The following APOL6 variants were observed in gnomAD, a reference collection of about 807,000 sequenced individuals.
APOL6 encodes the protein apolipoprotein L6, also known as apolipoprotein L, 6.
Under a neutral mutation model 2.4 loss-of-function variants are expected in APOL6, and 1 was observed. That is an observed-to-expected ratio of 0.41 (90% CI 0.15 to 1.94). The LOEUF is 1.94. Among genes scored for constraint, APOL6 ranks in the 30% most tolerant of loss-of-function variants. The pLI, the probability that APOL6 is intolerant of heterozygous loss-of-function variation, is 0.30. For synonymous variants in APOL6, 189 were observed against 169.3 expected (o/e 1.12, Z -0.90); for missense variants, 438 against 429.2 (o/e 1.02, Z -0.18).
rs779440854 is a variant in APOL6 at position 35,666,376 on chromosome 22, G to A, written c.*6780G>A. 1.4e-4 allele frequency: 21 copies of A among 152,256 alleles called. No individual in the cohort carries two copies. The highest frequency in any genetic ancestry group is 3.6e-4 in the African/African-American group (15 of 41,522). 9.4% of individuals were successfully genotyped at this position (152,256 alleles called of 1,614,324 possible). A position where few individuals can be genotyped will look rare whatever the true frequency, so the allele number is the denominator to read the frequency against. On this transcript the variant is annotated 3_prime_UTR_variant, in exon 3 of 3. Transcript: ENST00000409652. Reference sequence around the variant, plus strand: ...CAACTGCCACCTCCCAGGTTCAAGCGGTTCTCCTGCCTCAGCCTCCCGAGT... The same window carrying A: ...CAACTGCCACCTCCCAGGTTCAAGCAGTTCTCCTGCCTCAGCCTCCCGAGT...
chr22:35,662,295 G>C lies in APOL6; in HGVS notation c.*2699G>C, dbSNP rs1202227977. 6.6e-6 allele frequency: 1 copy of C among 152,008 alleles called. No individual in the cohort carries two copies. Among genetic ancestry groups the C allele is most frequent in the Non-Finnish European group, 1.5e-5 (1 of 68,008 alleles). 9.4% of individuals were successfully genotyped at this position (152,008 alleles called of 1,614,324 possible). A position where few individuals can be genotyped will look rare whatever the true frequency, so the allele number is the denominator to read the frequency against. On this transcript the variant is annotated 3_prime_UTR_variant, in exon 3 of 3. Transcript: ENST00000409652. ...ACCCTATTTTAGGGTATCTTTTTCT[G>C]AGCCCTAAACACTGTGTTGGGGATG...
chr22:35,651,732 C>CT (rs1171326730), intron 1 of APOL6, among the ~76,000 whole-genome samples: 1 of 152,120 alleles, frequency 6.6e-6, no homozygotes, highest in Non-Finnish European at 1.5e-5. Context: ...CGAACTCATC[C>CT]TTTTTTATGG....
At position 35,658,932 on chromosome 22, in the gene APOL6, C is replaced by A; in HGVS notation, c.368C>A (p.Thr123Asn). Residue 123 changes from threonine (T) to asparagine (N), a missense_variant, in exon 3 of 3, where the codon ACC becomes AAC. Physicochemically the swap from Thr to Asn is moderately conservative, Grantham distance 65. Coordinates refer to ENST00000409652, the MANE Select transcript of APOL6 (RefSeq NM_030641.4). ...GGTTTGGCAACAGCAGCTGGGGTCA[C>A]CAGCATCGTGAGTGGTACGTTGGAA... ...GQGLATAAGVTSIVSGTLERS... is the reference protein window; with the variant it reads ...GQGLATAAGVNSIVSGTLERS... The A allele has an allele frequency of 6.2e-7, 1 of 1,613,926 alleles. No individual in the cohort carries two copies. The highest frequency in any genetic ancestry group is 1.1e-5 in the South Asian group (1 of 91,080).
rs1329707396 is a variant in APOL6 at position 35,656,288 on chromosome 22, G to C, written c.-47-91G>C. ...TAGTATGCTATGTGGTTGTTATTTTGATAGTACATAATCCAAAATCCCTCC... is the reference window on the plus strand; with the variant it reads ...TAGTATGCTATGTGGTTGTTATTTTCATAGTACATAATCCAAAATCCCTCC... On this transcript the variant is annotated intron_variant, in intron 1 of 2. Transcript: ENST00000409652. 15 of 947,442 alleles carry C rather than the reference G, an allele frequency of 1.6e-5. 1 individual carries two copies. The South Asian group carries it at 2.0e-4, about 12-fold the overall frequency. 58.7% of individuals were successfully genotyped at this position (947,442 alleles called of 1,614,324 possible). A position where few individuals can be genotyped will look rare whatever the true frequency, so the allele number is the denominator to read the frequency against.
intron 1 of APOL6, among the ~76,000 whole-genome samples, chr22:35,649,760 T>C (rs536856815): frequency 6.6e-6 from 1 of 152,084 alleles, no homozygotes; most frequent in East Asian, 1.9e-4. Flanking sequence ...GAGAGAGGTA[T>C]TGGCGGACGC....
At position 35,659,145 on chromosome 22, in the gene APOL6, A is replaced by G; in HGVS notation, c.581A>G (p.Asn194Ser). ...NVRAFWKLRA[N>S]PRLANATKRL... ...CGTGCATTTTGGAAACTCAGAGCCAACCCACGCTTGGCCAATGCTACCAAG... is the reference window on the plus strand; with the variant it reads ...CGTGCATTTTGGAAACTCAGAGCCAGCCCACGCTTGGCCAATGCTACCAAG... Residue 194 changes from asparagine (N) to serine (S), a missense_variant, in exon 3 of 3, where the codon AAC becomes AGC. Asn to Ser is a conservative substitution (Grantham distance 46). Coordinates refer to ENST00000409652, the MANE Select transcript of APOL6 (RefSeq NM_030641.4). 1 of 1,614,158 alleles carries G rather than the reference A, an allele frequency of 6.2e-7. No individual in the cohort carries two copies. Among genetic ancestry groups the G allele is most frequent in the South Asian group, 1.1e-5 (1 of 91,082 alleles).
rs1925023676 is a variant in APOL6, at chr22:35,661,377, AAAAAG to A, written c.*1784_*1788del. On this transcript the variant is annotated 3_prime_UTR_variant, in exon 3 of 3. Coordinates refer to ENST00000409652, the MANE Select transcript of APOL6 (RefSeq NM_030641.4). ...CATCTCAAAAAAAAAAAAAAAAAAA[AAAAAG>A]AAGAAGAATACAGTCATGTATCTCT... 2 of 151,714 alleles carry A rather than the reference AAAAAG, an allele frequency of 1.3e-5. No individual in the cohort carries two copies. The highest frequency in any genetic ancestry group is 2.9e-5 in the Non-Finnish European group (2 of 67,978). 9.4% of individuals were successfully genotyped at this position (151,714 alleles called of 1,614,324 possible). A position where few individuals can be genotyped will look rare whatever the true frequency, so the allele number is the denominator to read the frequency against.
At chr22:35,654,100 C>T (rs1252038866) in intron 1 of APOL6, among the ~76,000 whole-genome samples, 2 of 152,200 alleles carry the variant, frequency 1.3e-5, no homozygotes, top group African/African-American at 4.8e-5. Flanking sequence ...GGGGAAGAGA[C>T]ATGGAGTTCC....
Position 35,659,315 on chromosome 22 carries a change from A to C in APOL6, c.751A>C (p.Thr251Pro). The change falls in exon 3 of 3, where the codon ACT (threonine) becomes CCT (proline). Residue 251 changes from threonine to proline, a missense_variant. By Grantham distance (38) the Thr-to-Pro change is conservative. Coordinates refer to ENST00000409652, the MANE Select transcript of APOL6 (RefSeq NM_030641.4). ...CTTCTCCCTTGGCTATGACTTGGCC[A>C]CTCTCTCAAAGGAATGGAAGCACCT... Reference protein sequence around the residue: ...SAFSLGYDLATLSKEWKHLKE... With the variant: ...SAFSLGYDLAPLSKEWKHLKE... 1 of 1,613,912 alleles carries C rather than the reference A, an allele frequency of 6.2e-7. No homozygotes were observed. Among genetic ancestry groups the C allele is most frequent in the Non-Finnish European group, 8.5e-7 (1 of 1,179,934 alleles).
chr22:35,659,208 G>A lies in APOL6; in HGVS notation c.644G>A (p.Arg215His), dbSNP rs200500746. The A allele has an allele frequency of 2.4e-5, 39 of 1,614,162 alleles. No individual in the cohort carries two copies. In the East Asian group the frequency reaches 3.3e-4, roughly 14 times the overall value. The change falls in exon 3 of 3, where the codon CGC becomes CAC. Residue 215 changes from arginine to histidine, a missense_variant. Transcript: ENST00000409652. Reference protein sequence around the residue: ...LTTGQVSSRSRVQVQKAFAGT... With the variant: ...LTTGQVSSRSHVQVQKAFAGT... The stretch of plus-strand genomic sequence containing the variant: ...ACTGGCCAAGTCTCCTCCCGGAGCC[G>A]CGTGCAGGTGCAAAAGGCCTTTGCG...
At position 35,661,357 on chromosome 22, in the gene APOL6, CAAAAAAAAAA is replaced by C. The variant is rs60161381; in HGVS notation, c.*1776_*1785del. 4 of 42,556 alleles carry C rather than the reference CAAAAAAAAAA, an allele frequency of 9.4e-5. No homozygotes were observed. Among genetic ancestry groups the C allele is most frequent in the Non-Finnish European group, 1.0e-4 (2 of 19,248 alleles). The allele number at this position is 42,556 out of a possible 1,614,324, so 2.6% of individuals were successfully genotyped here. A position where few individuals can be genotyped will look rare whatever the true frequency, so the allele number is the denominator to read the frequency against. On this transcript the variant is annotated 3_prime_UTR_variant, in exon 3 of 3. Coordinates refer to ENST00000409652, the MANE Select transcript of APOL6 (RefSeq NM_030641.4). Reference sequence around the variant, plus strand: ...TGGGTGTCAGAATGAGACCCCATCTCAAAAAAAAAAAAAAAAAAAAAAAAGAAGAAGAATA... The same window carrying C: ...TGGGTGTCAGAATGAGACCCCATCTCAAAAAAAAAAAAAAGAAGAAGAATA...
At chr22:35,654,606 G>A (rs1325278179) in intron 1 of APOL6, among the ~76,000 whole-genome samples, 1 of 150,966 alleles carries the variant, frequency 6.6e-6, no homozygotes, top group Non-Finnish European at 1.5e-5. Flanking sequence ...ACACGTATAT[G>A]TAATTATATA....
rs1021578828 is a variant in APOL6, at chr22:35,659,977, G to T, written c.*381G>T. ...AGACAGGGTTTCACCATTTTGGCCA[G>T]GCTGGTCTCGAATTCCTGACCTCAA... is the stretch of plus-strand genomic sequence containing the variant. On this transcript the variant is annotated 3_prime_UTR_variant, in exon 3 of 3. Coordinates refer to ENST00000409652, the MANE Select transcript of APOL6 (RefSeq NM_030641.4). 2.2e-5 allele frequency: 4 copies of T among 183,574 alleles called. No individual in the cohort carries two copies. Among genetic ancestry groups the T allele is most frequent in the Non-Finnish European group, 3.5e-5 (3 of 85,788 alleles). The allele number at this position is 183,574 out of a possible 1,614,324, so 11.4% of individuals were successfully genotyped here.
chr22:35,657,859 A>C (rs1482929367), intron 2 of APOL6, among the ~76,000 whole-genome samples: 1 of 152,236 alleles, frequency 6.6e-6, no homozygotes, highest in Non-Finnish European at 1.5e-5. Context: ...CTTGAAGGTC[A>C]AAGCCAACTG....
intron 1 of APOL6, among the ~76,000 whole-genome samples, chr22:35,652,750 G>A (rs375537782): frequency 2.0e-5 from 3 of 151,828 alleles, no homozygotes; most frequent in Admixed American, 6.6e-5. Flanking sequence ...TGTTCCATTG[G>A]TCTATATCTC....
rs1264292067 is a variant in APOL6, at chr22:35,649,216, G to C, written c.-48+593G>C. ...TTTGGGAGGCTAAGGCAAGCGGATT[G>C]CTTGAGCCCAAGAGTTTGAGACCAG... On this transcript the variant is annotated intron_variant, in intron 1 of 2. Coordinates refer to ENST00000409652, the MANE Select transcript of APOL6 (RefSeq NM_030641.4). Among the ~76,000 whole-genome samples the C allele has an allele frequency of 2.0e-5, 3 of 152,106 alleles. No homozygotes were observed. In the East Asian group the frequency reaches 5.8e-4, roughly 29 times the overall value.
rs1569136690 is a variant in APOL6 at position 35,664,034 on chromosome 22, T to C, written c.*4438T>C. The C allele has an allele frequency of 6.6e-6, 1 of 152,226 alleles. No individual in the cohort carries two copies. Among genetic ancestry groups the C allele is most frequent in the Non-Finnish European group, 1.5e-5 (1 of 68,032 alleles). The allele number at this position is 152,226 out of a possible 1,614,324, so 9.4% of individuals were successfully genotyped here. ...ACTAAAAAAGAAAAGGCTAGTCAAA[T>C]GCTTTTTCAAATTTATGTAACTTAA... On this transcript the variant is annotated 3_prime_UTR_variant, in exon 3 of 3. Coordinates refer to ENST00000409652, the MANE Select transcript of APOL6 (RefSeq NM_030641.4).
chr22:35,654,316 A>T (rs185722648), intron 1 of APOL6, among the ~76,000 whole-genome samples: 1 of 151,982 alleles, frequency 6.6e-6, no homozygotes, highest in African/African-American at 2.4e-5. Context: ...GAATATTCCA[A>T]CCCTCAAATC....
chr22:35,653,645 G>A (rs144174603), intron 1 of APOL6, among the ~76,000 whole-genome samples: 99 of 152,276 alleles, frequency 6.5e-4, no homozygotes, highest in African/African-American at 2.3e-3. Context: ...TGCGAGAGAG[G>A]TGAAGGAAGG....
Sources: gnomAD v4.1 joint callset for allele counts (sites outside exome capture counted in the v4.1 genomes callset) on GRCh38, gnomAD v4.1.1 for gene constraint, MANE v1.5 for transcripts, NCBI Gene and HGNC (gene_info 2026-07-23, HGNC 2026-07-21) for gene names.